AOX1: variants seen among roughly 807,000 people sequenced by gnomAD.
AOX1 encodes aldehyde oxidase 1, also known as aldehyde oxidase.
AOX1 carries 153 observed loss-of-function variants against 169.5 expected under a neutral mutation model. That is an observed-to-expected ratio of 0.90 (90% CI 0.79 to 1.03). The LOEUF (loss-of-function observed/expected upper bound fraction) is 1.03. Ranked by LOEUF, AOX1 falls within the 50% of genes least tolerant of loss-of-function variation. The probability of loss-of-function intolerance (pLI) is 0.00; values close to 1 mark genes in which losing one functional copy is unlikely to be tolerated. For synonymous variants in AOX1, 562 were observed against 581.9 expected (o/e 0.97, Z 0.49); for missense variants, 1,656 against 1,663.9 (o/e 1.00, Z 0.08).
At chr2:200,648,419 G>C (rs1185999618) in intron 25 of AOX1, among the ~76,000 whole-genome samples, 4 of 152,336 alleles carry the variant, frequency 2.6e-5, no homozygotes, top group African/African-American at 9.6e-5. Context: ...AGGGTTGTCT[G>C]CACAGAGTCC....
At chr2:200,623,837 A>T in intron 18 of AOX1, 24 bp from the exon 19 acceptor site, 1 of 1,613,062 alleles carries the variant, frequency 6.2e-7, no homozygotes, top group Non-Finnish European at 8.5e-7. Flanking sequence ...CCTCCTTGAC[A>T]ACAAAGGTCT....
chr2:200,669,195 G>C (rs2035980248), intron 33 of AOX1, among the ~76,000 whole-genome samples: 1 of 152,150 alleles, frequency 6.6e-6, no homozygotes, highest in Admixed American at 6.5e-5. Context: ...TATAATCCAA[G>C]CACTTTGGGA....
Position 200,612,782 on chromosome 2 carries a change from A to T in AOX1, c.1437A>T (p.Lys479Asn). 6.2e-7 allele frequency: 1 copy of T among 1,613,156 alleles called. No individual in the cohort carries two copies. The highest frequency in any genetic ancestry group is 8.5e-7 in the Non-Finnish European group (1 of 1,179,598). Residue 479 changes from lysine (K) to asparagine (N), a missense_variant, in exon 14 of 35, where the codon AAA becomes AAT. Physicochemically the swap from Lys to Asn is moderately conservative, Grantham distance 94. Coordinates refer to ENST00000374700, the MANE Select transcript of AOX1 (RefSeq NM_001159.4). ...ATICAKNSCQKLIGRHWNEQM... is the reference protein window; with the variant it reads ...ATICAKNSCQNLIGRHWNEQM... The stretch of plus-strand genomic sequence containing the variant: ...TCTGTGCCAAGAATTCCTGCCAGAA[A>T]CTCATTGGAAGGTAAGGCATTAGAA...
rs75995567 is a variant in AOX1 at position 200,604,661 on chromosome 2, T to C, written c.670-35T>C. 3,935 of 1,612,728 alleles carry C rather than the reference T, an allele frequency of 2.4e-3. 84 individuals carry two copies. In the African/African-American group the frequency reaches 0.046, roughly 19 times the overall value. On this transcript the variant is annotated intron_variant, in intron 8 of 34. Transcript: ENST00000374700. Reference sequence around the variant, plus strand: ...GTGGAAACAGGTGGAGATGGCATCATTGGGTACCTTGAATCCCTATTGCTT... The same window carrying C: ...GTGGAAACAGGTGGAGATGGCATCACTGGGTACCTTGAATCCCTATTGCTT...
intron 25 of AOX1, among the ~76,000 whole-genome samples, chr2:200,648,055 G>C (rs1001627319): frequency 1.3e-5 from 2 of 152,124 alleles, no homozygotes; most frequent in South Asian, 4.1e-4. Flanking sequence ...TCCCTGATTA[G>C]TTTAATAACT....
At chr2:200,635,005 G>T in intron 21 of AOX1, 90 bp downstream of exon 21, 1 of 1,508,642 alleles carries the variant, frequency 6.6e-7, no homozygotes, top group Non-Finnish European at 9.0e-7. Flanking sequence ...AAGTATATTT[G>T]GGAATTTGAG....
chr2:200,615,934 A>T, intron 15 of AOX1, 37 bp from the exon 16 acceptor site: 1 of 1,491,698 alleles, frequency 6.7e-7, no homozygotes. Flanking sequence ...GGTGCATTCA[A>T]ACTATTTAAA....
In AOX1 at chr2:200,621,202, T is replaced by A; in HGVS notation, c.1957T>A (p.Phe653Ile). ...AGAACATCTTAGTGACGTCAACTCCTTCTGCTTTTTTACTGAAGCTGAGAA... is the reference window on the plus strand; with the variant it reads ...AGAACATCTTAGTGACGTCAACTCCATCTGCTTTTTTACTGAAGCTGAGAA... The part of the protein sequence containing the change: ...TAEHLSDVNS[F>I]CFFTEAEKFL... The change falls in exon 18 of 35, where the codon TTC becomes ATC. Residue 653 changes from phenylalanine (F) to isoleucine (I), a missense_variant. By Grantham distance (21) the Phe-to-Ile change is conservative. Coordinates refer to ENST00000374700, the MANE Select transcript of AOX1 (RefSeq NM_001159.4). 1 of 1,613,994 alleles carries A rather than the reference T, an allele frequency of 6.2e-7. No individual in the cohort carries two copies. The highest frequency in any genetic ancestry group is 1.3e-5 in the African/African-American group (1 of 75,018).
intron 1 of AOX1, among the ~76,000 whole-genome samples, chr2:200,591,724 T>C (rs1527945): frequency 0.75 from 113,556 of 152,078 alleles, 42,566 homozygotes; most frequent in East Asian, 0.81. Flanking sequence ...CCAGGAGCCA[T>C]GTTAAATTTA....
intron 6 of AOX1, 36 bp downstream of exon 6, chr2:200,602,381 C>T: frequency 6.3e-7 from 1 of 1,590,698 alleles, no homozygotes; most frequent in East Asian, 2.2e-5. Context: ...AGTATGTTTT[C>T]CCCAGTGAAA....
intron 26 of AOX1, among the ~76,000 whole-genome samples, chr2:200,653,594 T>C (rs1009176084): frequency 1.3e-5 from 2 of 152,246 alleles, no homozygotes; most frequent in Non-Finnish European, 2.9e-5. Flanking sequence ...ACCGCCTTCA[T>C]CGTCCCACAG....
chr2:200,605,200 A>G (rs900065203), intron 9 of AOX1, among the ~76,000 whole-genome samples: 1 of 152,184 alleles, frequency 6.6e-6, no homozygotes, highest in Non-Finnish European at 1.5e-5. Context: ...GTGTCTCAAT[A>G]GGTATATGTT....
At chr2:200,652,943 C>T (rs113559090) in intron 26 of AOX1, among the ~76,000 whole-genome samples, 11 of 152,184 alleles carry the variant, frequency 7.2e-5, no homozygotes, top group South Asian at 4.2e-4. Flanking sequence ...CTGAGCACTA[C>T]GATGTTGTAA....
At chr2:200,619,582 G>A (rs985869254) in intron 16 of AOX1, among the ~76,000 whole-genome samples, 9 of 152,110 alleles carry the variant, frequency 5.9e-5, no homozygotes, top group Admixed American at 2.0e-4. Flanking sequence ...ATACACACCC[G>A]ACTGGGAAAG....
At chr2:200,626,586 C>T (rs1291817506) in intron 19 of AOX1, among the ~76,000 whole-genome samples, 1 of 152,226 alleles carries the variant, frequency 6.6e-6, no homozygotes, top group Non-Finnish European at 1.5e-5. Context: ...TTTTACTGGG[C>T]ACCCAGGGAG....
Position 200,599,757 on chromosome 2 carries a change from T to C in AOX1, c.436+11T>C. 6.7e-7 allele frequency: 1 copy of C among 1,484,230 alleles called. No homozygotes were observed. The highest frequency in any genetic ancestry group is 8.9e-7 in the Non-Finnish European group (1 of 1,118,980). 91.9% of individuals were successfully genotyped at this position (1,484,230 alleles called of 1,614,324 possible). A position where few individuals can be genotyped will look rare whatever the true frequency, so the allele number is the denominator to read the frequency against. On this transcript the variant is annotated intron_variant, in intron 5 of 34. Transcript: ENST00000374700. ...CTGATGCCCTTGGTGGTAGGTTATATATGCATGCTTTTATTTTTTAATTTT... is the reference window on the plus strand; with the variant it reads ...CTGATGCCCTTGGTGGTAGGTTATACATGCATGCTTTTATTTTTTAATTTT...
chr2:200,662,820 C>T (rs537971940), intron 30 of AOX1, 35 bp from the exon 31 acceptor site: 19 of 1,549,970 alleles, frequency 1.2e-5, no homozygotes, highest in East Asian at 2.2e-5. Flanking sequence ...AATTAGGGGA[C>T]GTGATCACTT....
At chr2:200,660,187 G>T in intron 29 of AOX1, 118 bp downstream of exon 29, 1 of 802,820 alleles carries the variant, frequency 1.2e-6, no homozygotes, top group Non-Finnish European at 2.0e-6. Flanking sequence ...TACCACCATT[G>T]TGTAATGATA....
At chr2:200,610,253 A>G (rs1574918539) in intron 12 of AOX1, among the ~76,000 whole-genome samples, 2 of 151,902 alleles carry the variant, frequency 1.3e-5, no homozygotes, top group Non-Finnish European at 1.5e-5. Context: ...TGTATTTTTA[A>G]TAGAGATGTG....
Sources: allele counts gnomAD v4.1 joint callset (sites outside exome capture counted in the v4.1 genomes callset), GRCh38; gene constraint gnomAD v4.1.1; transcripts MANE v1.5; gene names NCBI Gene and HGNC (gene_info 2026-07-23, HGNC 2026-07-21).